SIPA1L1: variants seen among roughly 807,000 people sequenced by gnomAD.
SIPA1L1 encodes signal-induced proliferation-associated 1-like protein 1.
SIPA1L1 carries 26 observed loss-of-function variants against 162.7 expected under a neutral mutation model. That is an observed-to-expected ratio of 0.16 (90% CI 0.12 to 0.22). The LOEUF (loss-of-function observed/expected upper bound fraction) is 0.22. SIPA1L1 is among the 10% of genes least tolerant of loss of function. The pLI is 1.00. For synonymous variants in SIPA1L1, 829 were observed against 837.4 expected (o/e 0.99, Z 0.17); for missense variants, 1,874 against 2,241.0 (o/e 0.84, Z 3.31).
At position 71,618,788 on chromosome 14, in the gene SIPA1L1, T is replaced by C; in HGVS notation, c.1530T>C (p.Asn510=). 6.2e-7 allele frequency: 1 copy of C among 1,614,000 alleles called. No individual in the cohort carries two copies. The highest frequency in any genetic ancestry group is 8.5e-7 in the Non-Finnish European group (1 of 1,179,914). ...EHWNYFGADE[N]LGPVAVSIRR... Reference sequence around the variant, plus strand: ...GGAACTATTTTGGGGCTGATGAGAATCTTGGTCCAGTGGCTGTGAGCATTC... The same window carrying C: ...GGAACTATTTTGGGGCTGATGAGAACCTTGGTCCAGTGGCTGTGAGCATTC... Residue 510 remains asparagine (N), a synonymous_variant, in exon 6 of 24, where the codon AAT becomes AAC. Transcript: ENST00000381232.
At chr14:71,690,360 T>C (rs1194588467) in intron 13 of SIPA1L1, among the ~76,000 whole-genome samples, 3 of 152,270 alleles carry the variant, frequency 2.0e-5, no homozygotes, top group East Asian at 3.9e-4. Context: ...CACCTCAATC[T>C]GCTGAGTAAC....
At chr14:71,526,102 C>T (rs1004566081) in intron 3 of SIPA1L1, among the ~76,000 whole-genome samples, 5 of 152,228 alleles carry the variant, frequency 3.3e-5, no homozygotes, top group African/African-American at 1.2e-4. Flanking sequence ...TGCATTCCAT[C>T]AGTGTTTGAA....
At chr14:71,705,707 G>T (rs1157606757) in intron 16 of SIPA1L1, among the ~76,000 whole-genome samples, 1 of 151,874 alleles carries the variant, frequency 6.6e-6, no homozygotes, top group African/African-American at 2.4e-5. Flanking sequence ...GAGGGCTCCA[G>T]CAGGACTGAT....
At chr14:71,736,485 T>C (rs1370644768) in intron 22 of SIPA1L1, among the ~76,000 whole-genome samples, 4 of 152,172 alleles carry the variant, frequency 2.6e-5, no homozygotes, top group Admixed American at 2.0e-4. Context: ...GGAAAGCCAA[T>C]TGAAGTAAAT....
chr14:71,394,826 G>A (rs752661729), intron 2 of SIPA1L1, among the ~76,000 whole-genome samples: 41 of 152,308 alleles, frequency 2.7e-4, no homozygotes, highest in Non-Finnish European at 5.4e-4. Context: ...TAAGCAGTAA[G>A]GAGAAGGATA....
At chr14:71,577,763 G>C (rs1202051884) in intron 4 of SIPA1L1, among the ~76,000 whole-genome samples, 4 of 95,448 alleles carry the variant, frequency 4.2e-5, no homozygotes, top group African/African-American at 1.7e-4. Flanking sequence ...AAACGGTCTT[G>C]CTCTGTCACC....
intron 4 of SIPA1L1, among the ~76,000 whole-genome samples, chr14:71,532,378 G>C (rs565590352): frequency 6.6e-6 from 1 of 152,258 alleles, no homozygotes; most frequent in Non-Finnish European, 1.5e-5. Context: ...GAAAGGACTT[G>C]TATATATATT....
chr14:71,593,250 C>T (rs535823562), intron 5 of SIPA1L1, among the ~76,000 whole-genome samples: 149 of 152,100 alleles, frequency 9.8e-4, no homozygotes, highest in African/African-American at 3.4e-3. Flanking sequence ...CTCACTCTCT[C>T]ACCTACGCTG....
chr14:71,699,214 C>T (rs2081899599), intron 14 of SIPA1L1, 87 bp downstream of exon 14: 28 of 1,272,246 alleles, frequency 2.2e-5, no homozygotes, highest in Non-Finnish European at 3.4e-6. Context: ...GACTTCCATT[C>T]AGCCAGCCTT....
At chr14:71,545,472 A>G (rs558083386) in intron 4 of SIPA1L1, among the ~76,000 whole-genome samples, 3 of 152,214 alleles carry the variant, frequency 2.0e-5, no homozygotes, top group African/African-American at 7.2e-5. Flanking sequence ...GTGTATTTCA[A>G]ATTCCATTTT....
At chr14:71,731,793 C>T (rs568659150) in intron 20 of SIPA1L1, among the ~76,000 whole-genome samples, 4 of 152,326 alleles carry the variant, frequency 2.6e-5, no homozygotes, top group Admixed American at 6.5e-5. Context: ...CAGGGACAGG[C>T]AGCCCTCTCT....
chr14:71,497,491 CTT>C (rs1459368706), intron 2 of SIPA1L1, among the ~76,000 whole-genome samples: 1 of 152,210 alleles, frequency 6.6e-6, no homozygotes, highest in Non-Finnish European at 1.5e-5. Flanking sequence ...ATAGTCACCT[CTT>C]TGCCTACCTA....
rs142789544 is a variant in SIPA1L1 at position 71,724,734 on chromosome 14, C to T, written c.4513C>T (p.Arg1505Trp). ...GCTGCGTGCCTCAACCAGAGACCTC[C>T]GGGCATCTCCTAAGCCAACCTCCAA... Reference protein sequence around the residue: ...TRLRASTRDLRASPKPTSKST... With the variant: ...TRLRASTRDLWASPKPTSKST... Residue 1505 changes from arginine to tryptophan, a missense_variant, in exon 19 of 24, where the codon CGG (arginine) becomes TGG (tryptophan). Coordinates refer to ENST00000381232, the MANE Select transcript of SIPA1L1 (RefSeq NM_001386936.1). 130 of 1,614,000 alleles carry T rather than the reference C, an allele frequency of 8.1e-5. No homozygotes were observed. The highest frequency in any genetic ancestry group is 2.5e-5 in the Non-Finnish European group (29 of 1,180,002).
At chr14:71,424,362 A>G (rs2043407719) in intron 2 of SIPA1L1, among the ~76,000 whole-genome samples, 1 of 152,070 alleles carries the variant, frequency 6.6e-6, no homozygotes, top group East Asian at 1.9e-4. Flanking sequence ...ATGTTAGAGG[A>G]AAAGCTTTTA....
intron 4 of SIPA1L1, among the ~76,000 whole-genome samples, chr14:71,564,406 T>C (rs553173516): frequency 1.9e-3 from 284 of 151,300 alleles, no homozygotes; most frequent in Non-Finnish European, 3.1e-3. Flanking sequence ...CTGCTTTTGT[T>C]TCAGCAGGTA....
At chr14:71,335,764 C>G (rs909440406) in intron 2 of SIPA1L1, among the ~76,000 whole-genome samples, 1 of 152,196 alleles carries the variant, frequency 6.6e-6, no homozygotes, top group Non-Finnish European at 1.5e-5. Context: ...GTTTACCCAT[C>G]CGCTTAATAA....
chr14:71,727,166 G>C (rs1391140406), intron 19 of SIPA1L1, among the ~76,000 whole-genome samples: 1 of 152,038 alleles, frequency 6.6e-6, no homozygotes, highest in Non-Finnish European at 1.5e-5. Context: ...CCCAAGGGTG[G>C]CATACAGTCT....
At chr14:71,738,179 A>C (rs1050343817) in intron 22 of SIPA1L1, 62 bp from the exon 23 acceptor site, 27 of 847,680 alleles carry the variant, frequency 3.2e-5, no homozygotes, top group African/African-American at 6.9e-5. Context: ...AAAAAAAAAA[A>C]AAAAAAACAA....
chr14:71,368,146 T>G (rs964143282), intron 2 of SIPA1L1, among the ~76,000 whole-genome samples: 5 of 149,630 alleles, frequency 3.3e-5, no homozygotes, highest in Non-Finnish European at 7.4e-5. Flanking sequence ...GGTATTCTTT[T>G]TTTTTTTTTC....
Sources: gnomAD v4.1 joint callset for allele counts (sites outside exome capture counted in the v4.1 genomes callset) on GRCh38, gnomAD v4.1.1 for gene constraint, MANE v1.5 for transcripts, NCBI Gene and HGNC (gene_info 2026-07-23, HGNC 2026-07-21) for gene names.